Variants in ASIC2 observed in about 807,000 individuals in gnomAD.
ASIC2 encodes the protein acid-sensing ion channel 2.
In ASIC2, 25 loss-of-function variants were observed where a neutral mutation model predicts 57.3. That is an observed-to-expected ratio of 0.44 (90% CI 0.32 to 0.61). The LOEUF (loss-of-function observed/expected upper bound fraction) is 0.61, where lower values mean the gene tolerates loss of function less well. Among genes scored for constraint, ASIC2 ranks in the 20% least tolerant of loss-of-function variants. ASIC2 has a pLI of 0.06. For missense variants in ASIC2, 641 were observed against 738.1 expected, an observed-to-expected ratio of 0.87 and a Z score of 1.52; for synonymous variants, 319 against 307.5, an observed-to-expected ratio of 1.04 and a Z score of -0.39.
At chr17:34,111,302 TG>T (rs1272341394) in intron 1 of ASIC2, among the ~76,000 whole-genome samples, 12 of 148,124 alleles carry the variant, frequency 8.1e-5, no homozygotes, top group African/African-American at 2.5e-4. Context: ...TATAATATAA[TG>T]TATATATATT....
chr17:33,665,041 A>AT (rs112117157), intron 1 of ASIC2, among the ~76,000 whole-genome samples: 58 of 148,718 alleles, frequency 3.9e-4, no homozygotes, highest in South Asian at 1.3e-3. Flanking sequence ...TAAAAATTTT[A>AT]TTTTTTTTTT....
intron 1 of ASIC2, among the ~76,000 whole-genome samples, chr17:33,463,262 C>G (rs1912702529): frequency 6.6e-6 from 1 of 152,172 alleles, no homozygotes; most frequent in South Asian, 2.1e-4. Context: ...ATCTGTCTTT[C>G]TGCATTGGTT....
chr17:33,674,885 G>A (rs539687369), intron 1 of ASIC2, among the ~76,000 whole-genome samples: 3 of 152,268 alleles, frequency 2.0e-5, no homozygotes, highest in East Asian at 3.9e-4. Context: ...GAGGAATCAC[G>A]TGACCTTGGG....
At chr17:33,681,459 T>C (rs577488004) in intron 1 of ASIC2, among the ~76,000 whole-genome samples, 1 of 149,846 alleles carries the variant, frequency 6.7e-6, no homozygotes, top group African/African-American at 2.5e-5. Context: ...CCACAATGTA[T>C]ATGTGGGTTG....
chr17:33,907,286 C>T (rs780225448), intron 1 of ASIC2, among the ~76,000 whole-genome samples: 2 of 152,218 alleles, frequency 1.3e-5, no homozygotes, highest in Non-Finnish European at 2.9e-5. Flanking sequence ...CTCCAGCATC[C>T]TTCCCCTGAT....
intron 1 of ASIC2, among the ~76,000 whole-genome samples, chr17:33,589,266 G>A (rs1308635820): frequency 6.6e-6 from 1 of 152,192 alleles, no homozygotes; most frequent in Non-Finnish European, 1.5e-5. Context: ...CACAGAGGAT[G>A]CTGACACTAT....
At chr17:33,751,786 G>C (rs1910441135) in intron 1 of ASIC2, among the ~76,000 whole-genome samples, 1 of 152,048 alleles carries the variant, frequency 6.6e-6, no homozygotes, top group African/African-American at 2.4e-5. Context: ...CCAGCTGATG[G>C]AGGGTCAGGG....
At position 33,632,754 on chromosome 17, in the gene ASIC2, T is replaced by C. The variant is rs56207403; in HGVS notation, c.556-520687A>G. 9.4e-3 allele frequency among the ~76,000 whole-genome samples: 1,438 copies of C among 152,258 alleles called. 32 individuals are homozygous for C. Among genetic ancestry groups the C allele is most frequent in the East Asian group, 0.075 (388 of 5,172 alleles). ...GCCTGGTCCACCCTTTGAAACTCCC[T>C]CTGCACCTTTTCTGACTCTTCTTGA... On this transcript the variant is annotated intron_variant, in intron 1 of 9. Coordinates refer to the ASIC2 transcript ENST00000359872.
intron 1 of ASIC2, among the ~76,000 whole-genome samples, chr17:34,066,509 C>T (rs926633810): frequency 4.6e-5 from 7 of 152,106 alleles, no homozygotes; most frequent in Non-Finnish European, 8.8e-5. Context: ...TAACTGTGGA[C>T]GAGGTCATCA....
chr17:33,356,483 CCCCT>C (rs1365165071), intron 1 of ASIC2, among the ~76,000 whole-genome samples: 1 of 152,112 alleles, frequency 6.6e-6, no homozygotes, highest in Non-Finnish European at 1.5e-5. Context: ...CACAAGCACA[CCCCT>C]CCCTGATGAT....
chr17:33,591,037 G>T (rs2142004740), intron 1 of ASIC2, among the ~76,000 whole-genome samples: 1 of 152,246 alleles, frequency 6.6e-6, no homozygotes, highest in Admixed American at 6.5e-5. Context: ...GTGCTCAAAT[G>T]CTTGATGTCT....
At chr17:33,965,900 G>C (rs1905060096) in intron 1 of ASIC2, among the ~76,000 whole-genome samples, 1 of 152,176 alleles carries the variant, frequency 6.6e-6, no homozygotes, top group Admixed American at 6.5e-5. Context: ...AGCCCAAGGG[G>C]AGCAGTGGCT....
intron 1 of ASIC2, among the ~76,000 whole-genome samples, chr17:33,772,962 G>A (rs780266457): frequency 2.0e-5 from 3 of 152,202 alleles, no homozygotes; most frequent in East Asian, 1.9e-4. Context: ...AGTGTTTAGC[G>A]TGGTACCTGG....
intron 1 of ASIC2, among the ~76,000 whole-genome samples, chr17:33,584,015 T>C (rs1231011614): frequency 6.6e-6 from 1 of 152,156 alleles, no homozygotes; most frequent in East Asian, 1.9e-4. Context: ...GCCTTTTGGA[T>C]TGTTTTCTTT....
chr17:33,900,879 C>T (rs986464525), intron 1 of ASIC2, among the ~76,000 whole-genome samples: 2 of 152,120 alleles, frequency 1.3e-5, no homozygotes, highest in African/African-American at 4.8e-5. Flanking sequence ...GATGAATATG[C>T]CTTTAACCAG....
intron 1 of ASIC2, among the ~76,000 whole-genome samples, chr17:34,068,197 A>C (rs926946314): frequency 6.6e-6 from 1 of 152,138 alleles, no homozygotes; most frequent in Non-Finnish European, 1.5e-5. Context: ...TTCGACACTA[A>C]GGTCTTTATG....
At chr17:33,789,111 C>T (rs1342072985) in intron 1 of ASIC2, among the ~76,000 whole-genome samples, 2 of 152,226 alleles carry the variant, frequency 1.3e-5, no homozygotes, top group East Asian at 3.8e-4. Context: ...CGTTCAGCTT[C>T]TGCCATGATT....
At chr17:33,074,274 G>A (rs2092080804) in intron 3 of ASIC2, among the ~76,000 whole-genome samples, 1 of 152,176 alleles carries the variant, frequency 6.6e-6, no homozygotes, top group Non-Finnish European at 1.5e-5. Flanking sequence ...AAATCTTCAA[G>A]GAAAAATAAA....
At chr17:33,861,301 C>T (rs189733357) in intron 1 of ASIC2, among the ~76,000 whole-genome samples, 60 of 152,230 alleles carry the variant, frequency 3.9e-4, no homozygotes, top group African/African-American at 1.3e-3. Context: ...ATGAAAAACG[C>T]AGAGTTCAAA....
Sources: gnomAD v4.1 joint callset for allele counts (sites outside exome capture counted in the v4.1 genomes callset) on GRCh38, gnomAD v4.1.1 for gene constraint, MANE v1.5 for transcripts, NCBI Gene and HGNC (gene_info 2026-07-23, HGNC 2026-07-21) for gene names.